Variants in ACOX2 observed in about 807,000 individuals in gnomAD.
ACOX2 encodes acyl-CoA oxidase 2.
A neutral mutation model predicts 77.5 loss-of-function variants in ACOX2; 59 were observed. The observed-to-expected ratio is 0.76, with a 90% confidence interval of 0.62 to 0.95. ACOX2 has a LOEUF of 0.95. ACOX2 is among the 40% of genes least tolerant of loss of function. ACOX2 has a pLI of 0.00. For synonymous variants in ACOX2, 317 were observed against 340.1 expected (o/e 0.93, Z 0.75); for missense variants, 837 against 880.4 (o/e 0.95, Z 0.62).
Position 58,514,362 on chromosome 3 carries a change from A to G in ACOX2, c.1850+2844T>C, listed in dbSNP as rs2063307505. On this transcript the variant is annotated intron_variant, in intron 13 of 14. Transcript: ENST00000302819. This position sits in a 1 kb window ranked among gnomAD's most constrained non-coding sequence, Gnocchi z 4.3. ...TTCGGGAAAGAACAGAAGTAAATGC[A>G]TAGTTTAATCTGTCATCTTTACCTG... 6.6e-6 allele frequency among the ~76,000 whole-genome samples: 1 copy of G among 152,218 alleles called. No individual in the cohort carries two copies. The highest frequency in any genetic ancestry group is 6.5e-5 in the Admixed American group (1 of 15,282).
At chr3:58,509,936 G>A (rs2063265951) in intron 13 of ACOX2, among the ~76,000 whole-genome samples, 2 of 152,092 alleles carry the variant, frequency 1.3e-5, no homozygotes, top group Non-Finnish European at 2.9e-5. Flanking sequence ...TGATATTTCA[G>A]TATTTATCTG....
intron 5 of ACOX2, among the ~76,000 whole-genome samples, chr3:58,532,255 A>G (rs1282999521): frequency 3.9e-5 from 6 of 151,926 alleles, no homozygotes; most frequent in Non-Finnish European, 7.4e-5. Context: ...ATTCATCTGT[A>G]CCCTGGTCTG....
At chr3:58,506,285 T>C (rs1466861414) in intron 14 of ACOX2, among the ~76,000 whole-genome samples, 1 of 152,234 alleles carries the variant, frequency 6.6e-6, no homozygotes, top group African/African-American at 2.4e-5. Flanking sequence ...GTTTTGAAAT[T>C]ATCCCCAATG....
At position 58,517,295 on chromosome 3, in the gene ACOX2, G is replaced by T. The variant is rs755009415; in HGVS notation, c.1761C>A (p.Asn587Lys). 1 of 1,614,198 alleles carries T rather than the reference G, an allele frequency of 6.2e-7. No individual in the cohort carries two copies. The highest frequency in any genetic ancestry group is 8.5e-7 in the Non-Finnish European group (1 of 1,180,032). ...DLHAIHGILT[N>K]SGDFLHDAFL... is the part of the protein sequence containing the mutation. Reference sequence around the variant, plus strand: ...AGGCGTCATGGAGAAAGTCACCCGAGTTAGTCAAGATTCCATGTATGGCAT... The same window carrying T: ...AGGCGTCATGGAGAAAGTCACCCGATTTAGTCAAGATTCCATGTATGGCAT... Residue 587 changes from asparagine (N) to lysine (K), a missense_variant, in exon 13 of 15, where the codon AAC becomes AAA. Physicochemically the swap from Asn to Lys is moderately conservative, Grantham distance 94. Coordinates refer to ENST00000302819, the MANE Select transcript of ACOX2 (RefSeq NM_003500.4).
At chr3:58,517,634 G>C (rs375576470) in intron 12 of ACOX2, among the ~76,000 whole-genome samples, 5 of 146,762 alleles carry the variant, frequency 3.4e-5, no homozygotes, top group East Asian at 2.2e-4. Context: ...GCGGGGACGG[G>C]GGGGACTGGT....
In ACOX2 at chr3:58,521,562, C is replaced by T. The variant is rs950016335; in HGVS notation, c.1632+934G>A. On this transcript the variant is annotated intron_variant, in intron 12 of 14. Coordinates refer to ENST00000302819, the MANE Select transcript of ACOX2 (RefSeq NM_003500.4). The surrounding 1 kb of genome is among the most constrained non-coding windows in gnomAD (Gnocchi z 4.8). ...TCATGGTCAGGACCACCCTCAGTCC[C>T]GGTTCAGACTTGCTCCTTTCTAACT... is the stretch of plus-strand genomic sequence containing the variant. Among the ~76,000 whole-genome samples, 4 of 152,206 alleles carry T rather than the reference C, an allele frequency of 2.6e-5. No homozygotes were observed. The highest frequency in any genetic ancestry group is 1.9e-4 in the East Asian group (1 of 5,184).
Position 58,526,485 on chromosome 3 carries a change from G to A in ACOX2, c.1327C>T (p.Leu443Phe), listed in dbSNP as rs2108003752. ...SCTYEGENTV[L>F]YLQVARFLVK... is the part of the protein sequence containing the mutation. ...CCTTACCTGGCCACCTGCAGGTAGA[G>A]CACTGTGTTCTCACCCTCGTAGGTA... Residue 443 changes from leucine to phenylalanine, a missense_variant, in exon 10 of 15, where the codon CTC (leucine) becomes TTC (phenylalanine). Physicochemically the swap from Leu to Phe is conservative, Grantham distance 22. Transcript: ENST00000302819. This position sits in a 1 kb window ranked among gnomAD's most constrained non-coding sequence, Gnocchi z 4.3. The A allele has an allele frequency of 2.5e-6, 4 of 1,613,764 alleles. No homozygotes were observed. In the South Asian group the frequency reaches 3.3e-5, roughly 13 times the overall value.
intron 1 of ACOX2, among the ~76,000 whole-genome samples, chr3:58,536,534 G>A (rs997666574): frequency 6.6e-6 from 1 of 152,160 alleles, no homozygotes; most frequent in Non-Finnish European, 1.5e-5. Flanking sequence ...GTGCTGGCAA[G>A]GGGCCCCATC....
intron 13 of ACOX2, among the ~76,000 whole-genome samples, chr3:58,509,610 G>GGT (rs2063262818): frequency 8.8e-6 from 1 of 113,234 alleles, no homozygotes; most frequent in African/African-American, 3.5e-5. Flanking sequence ...ATTTCAATCT[G>GGT]TTTTTTTTTT....
rs749920792 is a variant in ACOX2, at chr3:58,531,207, C to T, written c.819+44G>A. 1 of 1,572,622 alleles carries T rather than the reference C, an allele frequency of 6.4e-7. No individual in the cohort carries two copies. Among genetic ancestry groups the T allele is most frequent in the Non-Finnish European group, 8.7e-7 (1 of 1,148,530 alleles). ...CCCAGCCTGCACAAAGCGCAGGTCC[C>T]CTCTCCAGGAAGTACAAGTCCCCGG... On this transcript the variant is annotated intron_variant, in intron 7 of 14. Coordinates refer to ENST00000302819, the MANE Select transcript of ACOX2 (RefSeq NM_003500.4). The surrounding 1 kb of genome is among the most constrained non-coding windows in gnomAD (Gnocchi z 5.8).
intron 12 of ACOX2, among the ~76,000 whole-genome samples, 163 bp from the exon 13 acceptor site, chr3:58,517,586 G>A (rs555669000): frequency 3.0e-5 from 4 of 133,314 alleles, no homozygotes; most frequent in Non-Finnish European, 4.7e-5. Context: ...TGATCAAGGC[G>A]TTTTGATGTT....
rs1156773170 is a variant in ACOX2, at chr3:58,521,215, A to G, written c.1632+1281T>C. Among the ~76,000 whole-genome samples the G allele has an allele frequency of 6.6e-6, 1 of 152,030 alleles. No individual in the cohort carries two copies. The highest frequency in any genetic ancestry group is 2.4e-5 in the African/African-American group (1 of 41,416). On this transcript the variant is annotated intron_variant, in intron 12 of 14. Transcript: ENST00000302819. This position sits in a 1 kb window ranked among gnomAD's most constrained non-coding sequence, Gnocchi z 4.8. Reference sequence around the variant, plus strand: ...TGAGGGCTGCAGAGGTAATCCCATCACGTGTGGTGTGGTGGAGGTGGTGGG... The same window carrying G: ...TGAGGGCTGCAGAGGTAATCCCATCGCGTGTGGTGTGGTGGAGGTGGTGGG...
Position 58,533,706 on chromosome 3 carries a change from T to C in ACOX2, c.476-154A>G. On this transcript the variant is annotated intron_variant, in intron 4 of 14. Transcript: ENST00000302819. This position sits in a 1 kb window ranked among gnomAD's most constrained non-coding sequence, Gnocchi z 5.6. ...TTGCAGGCAGTTCTCCCCTTTCATC[T>C]GTGGGCTGTGTGTGGGACACACAGT... 5 of 712,084 alleles carry C rather than the reference T, an allele frequency of 7.0e-6. No homozygotes were observed. Among genetic ancestry groups the C allele is most frequent in the South Asian group, 5.4e-5 (3 of 55,120 alleles). 44.1% of individuals were successfully genotyped at this position (712,084 alleles called of 1,614,324 possible). A position where few individuals can be genotyped will look rare whatever the true frequency, so the allele number is the denominator to read the frequency against.
Position 58,533,955 on chromosome 3 carries a change from T to G in ACOX2, c.475+39A>C. On this transcript the variant is annotated intron_variant, in intron 4 of 14. Coordinates refer to ENST00000302819, the MANE Select transcript of ACOX2 (RefSeq NM_003500.4). This position sits in a 1 kb window ranked among gnomAD's most constrained non-coding sequence, Gnocchi z 5.6. ...AAATGGGCCCTCTGGAGTTTTGCAGTGCACAACCTAAACACCACACGCAGC... is the reference window on the plus strand; with the variant it reads ...AAATGGGCCCTCTGGAGTTTTGCAGGGCACAACCTAAACACCACACGCAGC... The G allele has an allele frequency of 6.2e-7, 1 of 1,611,372 alleles. No homozygotes were observed. The highest frequency in any genetic ancestry group is 8.5e-7 in the Non-Finnish European group (1 of 1,178,394).
chr3:58,531,427 T>C lies in ACOX2; in HGVS notation c.704-61A>G, dbSNP rs1577000578. The C allele has an allele frequency of 6.8e-7, 1 of 1,465,012 alleles. No homozygotes were observed. The allele number at this position is 1,465,012 out of a possible 1,614,324, so 90.8% of individuals were successfully genotyped here. ...GAGAGAGTGCTTGCTATGTGGCAGG[T>C]ATCATACACACATTCCAGGTCACAG... On this transcript the variant is annotated intron_variant, in intron 6 of 14. Transcript: ENST00000302819. The surrounding 1 kb of genome is among the most constrained non-coding windows in gnomAD (Gnocchi z 5.8).
chr3:58,516,315 A>G, intron 13 of ACOX2, among the ~76,000 whole-genome samples: 1 of 152,158 alleles, frequency 6.6e-6, no homozygotes. Flanking sequence ...TAATACCTCA[A>G]CCTTAACCTT....
chr3:58,533,564 G>A lies in ACOX2; in HGVS notation c.476-12C>T. On this transcript the variant is annotated splice_polypyrimidine_tract_variant and intron_variant, in intron 4 of 14. Transcript: ENST00000302819. This position sits in a 1 kb window ranked among gnomAD's most constrained non-coding sequence, Gnocchi z 5.6. ...CTGAAGATATGTCCCTTAGGATCAAGGAGAGGTGTTAGACATTGGCCTGAG... is the reference window on the plus strand; with the variant it reads ...CTGAAGATATGTCCCTTAGGATCAAAGAGAGGTGTTAGACATTGGCCTGAG... 1.2e-6 allele frequency: 2 copies of A among 1,613,530 alleles called. No individual in the cohort carries two copies. The highest frequency in any genetic ancestry group is 1.7e-6 in the Non-Finnish European group (2 of 1,179,574).
Position 58,519,881 on chromosome 3 carries a change from C to T in ACOX2, c.1633-2458G>A, listed in dbSNP as rs1027878814. 1.3e-5 allele frequency among the ~76,000 whole-genome samples: 2 copies of T among 152,220 alleles called. No individual in the cohort carries two copies. The highest frequency in any genetic ancestry group is 4.1e-4 in the South Asian group (2 of 4,832). On this transcript the variant is annotated intron_variant, in intron 12 of 14. Transcript: ENST00000302819. This position sits in a 1 kb window ranked among gnomAD's most constrained non-coding sequence, Gnocchi z 5.0. ...GACTGGGTCCAGCTTGGCAGAACTG[C>T]GGACCCGCACTCCTTTTCCTGTCCT... is the stretch of plus-strand genomic sequence containing the variant.
rs1021285443 is a variant in ACOX2 at position 58,526,822 on chromosome 3, A to T, written c.1156-166T>A. 1.4e-6 allele frequency: 1 copy of T among 713,278 alleles called. No individual in the cohort carries two copies. The highest frequency in any genetic ancestry group is 3.0e-5 in the Admixed American group (1 of 33,810). 44.2% of individuals were successfully genotyped at this position (713,278 alleles called of 1,614,324 possible). On this transcript the variant is annotated intron_variant, in intron 9 of 14. Coordinates refer to ENST00000302819, the MANE Select transcript of ACOX2 (RefSeq NM_003500.4). This position sits in a 1 kb window ranked among gnomAD's most constrained non-coding sequence, Gnocchi z 4.3. ...GAATGAGAAGGCGGGTACTCAGCTT[A>T]TGTGACTCACCCAGAGGCACACAAT...
Sources: gnomAD v4.1 joint callset for allele counts (sites outside exome capture counted in the v4.1 genomes callset) on GRCh38, gnomAD v4.1.1 for gene constraint, Gnocchi (gnomAD v3.1) non-coding constraint, MANE v1.5 for transcripts, NCBI Gene and HGNC (gene_info 2026-07-23, HGNC 2026-07-21) for gene names.